Variants in PLCB1 observed in about 807,000 individuals in gnomAD.
PLCB1 encodes 1-phosphatidylinositol 4,5-bisphosphate phosphodiesterase beta-1.
In PLCB1, 46 loss-of-function variants were observed where a neutral mutation model predicts 161.8. The observed-to-expected ratio is 0.28, with a 90% CI of 0.22 to 0.36. The LOEUF is 0.36. Ranked by LOEUF, PLCB1 falls within the 10% of genes least tolerant of loss-of-function variation. The probability of loss-of-function intolerance (pLI) is 1.00; values close to 1 mark genes in which losing one functional copy is unlikely to be tolerated. For missense variants in PLCB1, 1,016 were observed against 1,472.5 expected, an observed-to-expected ratio of 0.69 and a Z score of 5.07; for synonymous variants, 517 against 503.7, an observed-to-expected ratio of 1.03 and a Z score of -0.35.
chr20:8,644,814 C>T lies in PLCB1; in HGVS notation c.385-1288C>T, dbSNP rs574306152. 4.6e-5 allele frequency among the ~76,000 whole-genome samples: 7 copies of T among 152,258 alleles called. No homozygotes were observed. The South Asian group carries it at 8.3e-4, about 18-fold the overall frequency. ...GGGCCCCTCTGCTCGGCCACCACCC[C>T]GTCTGGGAGGTGTACCCAACAGCTC... On this transcript the variant is annotated intron_variant, in intron 4 of 31. Transcript: ENST00000338037.
At chr20:8,273,869 A>T (rs1234947670) in intron 2 of PLCB1, among the ~76,000 whole-genome samples, 3 of 152,208 alleles carry the variant, frequency 2.0e-5, no homozygotes, top group Admixed American at 2.0e-4. Context: ...CCTCTTCCAT[A>T]TAAAGTGTAC....
chr20:8,432,336 A>G (rs962737183), intron 3 of PLCB1, among the ~76,000 whole-genome samples: 3 of 152,106 alleles, frequency 2.0e-5, no homozygotes, highest in African/African-American at 4.8e-5. Context: ...CCAGTGCGCA[A>G]TCCTCCCAGT....
chr20:8,391,523 A>G (rs1267999950), intron 3 of PLCB1, among the ~76,000 whole-genome samples: 1 of 152,028 alleles, frequency 6.6e-6, no homozygotes, highest in Non-Finnish European at 1.5e-5. Flanking sequence ...TAACAAGGTT[A>G]GGGGTCAGAG....
At chr20:8,666,120 A>G (rs1351531324) in intron 9 of PLCB1, among the ~76,000 whole-genome samples, 1 of 152,106 alleles carries the variant, frequency 6.6e-6, no homozygotes, top group Non-Finnish European at 1.5e-5. Flanking sequence ...TGGGTTGCAA[A>G]GTTCTGATGT....
intron 3 of PLCB1, among the ~76,000 whole-genome samples, chr20:8,488,279 G>T (rs1383224721): frequency 6.6e-6 from 1 of 151,746 alleles, no homozygotes; most frequent in Admixed American, 6.6e-5. Context: ...GTCAAAAAAG[G>T]TAAGGTAGAT....
intron 3 of PLCB1, among the ~76,000 whole-genome samples, chr20:8,395,493 A>G (rs558884231): frequency 6.6e-6 from 1 of 152,242 alleles, no homozygotes; most frequent in East Asian, 1.9e-4. Flanking sequence ...TTAAGTTTAC[A>G]CAATTTTAAA....
chr20:8,419,115 A>G (rs561035302), intron 3 of PLCB1, among the ~76,000 whole-genome samples: 2 of 152,334 alleles, frequency 1.3e-5, no homozygotes, highest in African/African-American at 4.8e-5. Flanking sequence ...GATGTTAGTA[A>G]GTAATGATTG....
intron 3 of PLCB1, among the ~76,000 whole-genome samples, chr20:8,541,192 C>G (rs1985299847): frequency 6.6e-6 from 1 of 152,100 alleles, no homozygotes; most frequent in Non-Finnish European, 1.5e-5. Context: ...GATCCAACCC[C>G]ACCTGGGTTG....
At chr20:8,241,218 G>A (rs918237179) in intron 2 of PLCB1, among the ~76,000 whole-genome samples, 1 of 151,988 alleles carries the variant, frequency 6.6e-6, no homozygotes, top group Admixed American at 6.6e-5. Context: ...AAGAATGCAA[G>A]TAATCTACTT....
chr20:8,647,916 C>T lies in PLCB1; in HGVS notation c.481C>T (p.Leu161=). 6.2e-7 allele frequency: 1 copy of T among 1,601,944 alleles called. No homozygotes were observed. ...FLEKAYTKLK[L]QVTPEGRIPL... Reference sequence around the variant, plus strand: ...CTCCAACAGCTATACTAAACTTAAGCTGCAAGTCACTCCAGAAGGGCGTAT... The same window carrying T: ...CTCCAACAGCTATACTAAACTTAAGTTGCAAGTCACTCCAGAAGGGCGTAT... Residue 161 remains leucine (L), a synonymous_variant, in exon 6 of 32, where the codon CTG becomes TTG. Coordinates refer to ENST00000338037, the MANE Select transcript of PLCB1 (RefSeq NM_015192.4).
At chr20:8,258,786 GT>G (rs950454114) in intron 2 of PLCB1, among the ~76,000 whole-genome samples, 8 of 151,008 alleles carry the variant, frequency 5.3e-5, no homozygotes, top group South Asian at 2.1e-4. Context: ...AGCCATGTGG[GT>G]TTTTTTTTCT....
intron 2 of PLCB1, among the ~76,000 whole-genome samples, chr20:8,280,579 G>A (rs1982828604): frequency 6.6e-6 from 1 of 152,130 alleles, no homozygotes; most frequent in Admixed American, 6.5e-5. Context: ...AAACAATATA[G>A]CCTTCCAGGA....
chr20:8,280,326 ACT>A (rs1982810916), intron 2 of PLCB1, among the ~76,000 whole-genome samples: 1 of 149,006 alleles, frequency 6.7e-6, no homozygotes, highest in African/African-American at 2.5e-5. Context: ...CAAGAGCGAA[ACT>A]CTGTCTCAAA....
At position 8,312,444 on chromosome 20, in the gene PLCB1, G is replaced by A. The variant is rs1032767011; in HGVS notation, c.178-58938G>A. 2.0e-5 allele frequency among the ~76,000 whole-genome samples: 3 copies of A among 152,146 alleles called. No homozygotes were observed. In the South Asian group the frequency reaches 6.2e-4, roughly 32 times the overall value. On this transcript the variant is annotated intron_variant, in intron 2 of 31. Transcript: ENST00000338037. ...TCAACAGACCTTCAAAGAGATCAAG[G>A]CTTGCATCTAAGACAGGATCAATGA...
chr20:8,763,205 G>GT (rs1181478989), intron 25 of PLCB1, among the ~76,000 whole-genome samples: 1 of 152,086 alleles, frequency 6.6e-6, no homozygotes. Context: ...ATACAGATTA[G>GT]TTTTGTTTTG....
At chr20:8,197,488 T>C (rs6118107) in intron 2 of PLCB1, among the ~76,000 whole-genome samples, 57,352 of 151,980 alleles carry the variant, frequency 0.38, 13,701 homozygotes, top group African/African-American at 0.69. Context: ...TCATATCCTT[T>C]GCCCACTTGT....
chr20:8,798,573 T>TAC lies in PLCB1; in HGVS notation c.3423+8333_3423+8334dup, dbSNP rs10565621. 1.3e-3 allele frequency among the ~76,000 whole-genome samples: 189 copies of TAC among 151,200 alleles called. 2 individuals are homozygous for TAC. Among genetic ancestry groups the TAC allele is most frequent in the African/African-American group, 4.3e-3 (178 of 41,184 alleles). On this transcript the variant is annotated intron_variant, in intron 31 of 31. Transcript: ENST00000338037. ...TGTCACAGAGTTGAACATACACACA[T>TAC]ACACACACACACACACACACACCCC...
chr20:8,744,136 C>A (rs1324365174), intron 23 of PLCB1, among the ~76,000 whole-genome samples: 1 of 151,750 alleles, frequency 6.6e-6, no homozygotes, highest in Non-Finnish European at 1.5e-5. Flanking sequence ...ATATGACAAA[C>A]CCTCATGTGT....
intron 2 of PLCB1, among the ~76,000 whole-genome samples, chr20:8,325,058 A>G (rs1985093319): frequency 6.6e-6 from 1 of 152,190 alleles, no homozygotes; most frequent in East Asian, 1.9e-4. Flanking sequence ...AGTTTTATTC[A>G]TGTAATAATC....
Sources: allele counts gnomAD v4.1 joint callset (sites outside exome capture counted in the v4.1 genomes callset), GRCh38; gene constraint gnomAD v4.1.1; transcripts MANE v1.5; gene names NCBI Gene and HGNC (gene_info 2026-07-23, HGNC 2026-07-21).